Variants in TNPO3 observed in about 807,000 individuals in gnomAD.
The protein encoded by TNPO3 is transportin 3, also known as transportin-3.
Under a neutral mutation model 122.8 loss-of-function variants are expected in TNPO3, and 65 were observed. The observed-to-expected ratio is 0.53, with a 90% CI of 0.43 to 0.65. The LOEUF is 0.65. Among genes scored for constraint, TNPO3 ranks in the 30% least tolerant of loss-of-function variants. The pLI is 0.00. For missense variants in TNPO3, 850 were observed against 1,136.7 expected, an observed-to-expected ratio of 0.75 and a Z score of 3.63; for synonymous variants, 372 against 411.2, an observed-to-expected ratio of 0.90 and a Z score of 1.15.
At chr7:129,007,691 T>C (rs1175473599) in intron 4 of TNPO3, among the ~76,000 whole-genome samples, 5 of 152,230 alleles carry the variant, frequency 3.3e-5, no homozygotes, top group East Asian at 1.9e-4. Context: ...TTGCATTATA[T>C]ATGCTTGTTG....
chr7:128,975,954 A>C lies in TNPO3; in HGVS notation c.2062-19T>G, dbSNP rs1260678876. On this transcript the variant is annotated intron_variant, in intron 16 of 22. Transcript: ENST00000265388. ...TCACCATCTGTTGAGGGAAAAAACA[A>C]TTAGTTCAATGCTTCGTCCTTCAAA... 6.6e-7 allele frequency: 1 copy of C among 1,524,538 alleles called. No individual in the cohort carries two copies. The highest frequency in any genetic ancestry group is 1.4e-5 in the African/African-American group (1 of 73,160). 94.4% of individuals were successfully genotyped at this position (1,524,538 alleles called of 1,614,324 possible).
chr7:128,987,604 G>A lies in TNPO3; in HGVS notation c.1499-684C>T, dbSNP rs953264810. ...AAAACCATATATTGTTTTTGGGGAC[G>A]GAGCCTCACTCTGTCCCACAGGCTG... is the stretch of plus-strand genomic sequence containing the variant. On this transcript the variant is annotated intron_variant, in intron 11 of 22. Coordinates refer to ENST00000265388, the MANE Select transcript of TNPO3 (RefSeq NM_012470.4). Among the ~76,000 whole-genome samples the A allele has an allele frequency of 5.3e-5, 8 of 152,030 alleles. No homozygotes were observed. In the East Asian group the frequency reaches 9.7e-4, roughly 18 times the overall value.
chr7:129,027,554 G>A (rs1805346483), intron 1 of TNPO3, among the ~76,000 whole-genome samples: 1 of 40,682 alleles, frequency 2.5e-5, no homozygotes, highest in Non-Finnish European at 4.2e-5. Context: ...GAGCAAGACT[G>A]TCTCAAAAAA....
intron 1 of TNPO3, among the ~76,000 whole-genome samples, chr7:129,027,687 G>A (rs993196962): frequency 4.6e-5 from 7 of 151,084 alleles, no homozygotes; most frequent in African/African-American, 1.7e-4. Flanking sequence ...AGAAGGGAAT[G>A]GAAGAGCAGA....
At chr7:129,030,574 T>C (rs1176968027) in intron 1 of TNPO3, 2 of 152,164 alleles carry the variant, frequency 1.3e-5, no homozygotes, top group African/African-American at 4.8e-5. Context: ...CAGCTTGAAT[T>C]AAGGGATTTC....
At chr7:128,978,435 A>G (rs894822339) in intron 16 of TNPO3, among the ~76,000 whole-genome samples, 4 of 152,224 alleles carry the variant, frequency 2.6e-5, no homozygotes, top group Non-Finnish European at 5.9e-5. Context: ...CCATTAGTAT[A>G]TAAGTACTGA....
At chr7:129,034,894 C>CAAA (rs1219082555) in intron 1 of TNPO3, among the ~76,000 whole-genome samples, 5,971 of 48,270 alleles carry the variant, frequency 0.12, 307 homozygotes, top group Non-Finnish European at 0.18. Flanking sequence ...GACTCTGTCT[C>CAAA]AAAAAAAAAA....
intron 5 of TNPO3, among the ~76,000 whole-genome samples, chr7:129,003,294 A>AC (rs1802194736): frequency 1.0e-5 from 1 of 95,862 alleles, no homozygotes; most frequent in Non-Finnish European, 2.2e-5. Flanking sequence ...TTTAATTTTT[A>AC]GGGTTTTTTT....
chr7:129,055,093 G>T lies in TNPO3; in HGVS notation c.-323C>A. On this transcript the variant is annotated 5_prime_UTR_variant, in exon 1 of 23. In the 5' UTR this introduces an upstream ATG that the reference lacks. Coordinates refer to ENST00000265388, the MANE Select transcript of TNPO3 (RefSeq NM_012470.4). ...GCCTATCTTGGGAGGCCACACACCA[G>T]TGTACCTAAGGTTCGTTTACCCGGA... 1 of 324,068 alleles carries T rather than the reference G, an allele frequency of 3.1e-6. No individual in the cohort carries two copies. The highest frequency in any genetic ancestry group is 6.0e-6 in the Non-Finnish European group (1 of 166,106). 20.1% of individuals were successfully genotyped at this position (324,068 alleles called of 1,614,324 possible).
intron 1 of TNPO3, among the ~76,000 whole-genome samples, chr7:129,043,296 G>T (rs1055513264): frequency 6.6e-6 from 1 of 151,968 alleles, no homozygotes; most frequent in Non-Finnish European, 1.5e-5. Context: ...TCAGCTTCAG[G>T]GGGTGGGGGT....
intron 1 of TNPO3, among the ~76,000 whole-genome samples, chr7:129,049,763 T>C (rs1808479277): frequency 1.3e-5 from 2 of 152,190 alleles, no homozygotes; most frequent in South Asian, 4.1e-4. Context: ...CAGTGTTAAC[T>C]GTCTTAGCAG....
intron 14 of TNPO3, 84 bp from the exon 15 acceptor site, chr7:128,980,115 A>C (rs1235004480): frequency 3.4e-6 from 4 of 1,177,552 alleles, no homozygotes; most frequent in Non-Finnish European, 5.1e-6. Flanking sequence ...TTGCTTACTT[A>C]GTATCATTTT....
intron 5 of TNPO3, among the ~76,000 whole-genome samples, chr7:129,003,015 C>T (rs1335769404): frequency 2.9e-4 from 37 of 127,576 alleles, no homozygotes; most frequent in Admixed American, 7.1e-4. Context: ...ACTCCAGCCC[C>T]GGCGACAGAG....
chr7:129,018,221 C>T (rs1804062073), intron 1 of TNPO3, 64 bp from the exon 2 acceptor site: 1 of 1,488,760 alleles, frequency 6.7e-7, no homozygotes, highest in African/African-American at 1.4e-5. Flanking sequence ...ATGACATAAC[C>T]TCAATACTTA....
At chr7:128,971,418 T>C (rs1254690343) in intron 19 of TNPO3, among the ~76,000 whole-genome samples, 1 of 152,240 alleles carries the variant, frequency 6.6e-6, no homozygotes, top group Non-Finnish European at 1.5e-5. Flanking sequence ...AGTGCTGGGA[T>C]TACAGGCGTG....
chr7:129,042,268 T>C (rs1183697968), intron 1 of TNPO3, among the ~76,000 whole-genome samples: 1 of 152,204 alleles, frequency 6.6e-6, no homozygotes, highest in African/African-American at 2.4e-5. Context: ...TTTTAAGCAT[T>C]TCGATGAGTG....
chr7:128,982,437 TC>T (rs2150326117), intron 13 of TNPO3, 113 bp from the exon 14 acceptor site: 1 of 870,132 alleles, frequency 1.1e-6, no homozygotes, highest in South Asian at 1.7e-5. Context: ...TTATATAAAG[TC>T]CTAAAAGTAT....
At chr7:128,994,937 C>T (rs895840858) in intron 8 of TNPO3, among the ~76,000 whole-genome samples, 16 of 152,138 alleles carry the variant, frequency 1.1e-4, no homozygotes, top group African/African-American at 3.9e-4. Flanking sequence ...GGATTATAGG[C>T]ATGAGCCACG....
At chr7:129,036,819 A>C (rs1001856793) in intron 1 of TNPO3, among the ~76,000 whole-genome samples, 1 of 152,198 alleles carries the variant, frequency 6.6e-6, no homozygotes, top group Non-Finnish European at 1.5e-5. Flanking sequence ...AAATTCTGGA[A>C]GTAAAAAAAT....
Sources: allele counts gnomAD v4.1 joint callset (sites outside exome capture counted in the v4.1 genomes callset), GRCh38; gene constraint gnomAD v4.1.1; transcripts MANE v1.5; gene names NCBI Gene and HGNC (gene_info 2026-07-23, HGNC 2026-07-21).